The following DAB1 variants were observed in gnomAD, a reference collection of about 807,000 sequenced individuals.
The protein encoded by DAB1 is DAB adaptor protein 1.
Under a neutral mutation model 64.6 loss-of-function variants are expected in DAB1, and 15 were observed. That is an observed-to-expected ratio of 0.23 (90% confidence interval 0.16 to 0.36). The LOEUF (loss-of-function observed/expected upper bound fraction) is 0.36, where lower values mean the gene tolerates loss of function less well. Ranked by LOEUF, DAB1 falls within the 10% of genes least tolerant of loss-of-function variation. The probability of loss-of-function intolerance (pLI) is 1.00; values close to 1 mark genes in which losing one functional copy is unlikely to be tolerated. For synonymous variants in DAB1, 235 were observed against 251.9 expected (o/e 0.93, Z 0.64); for missense variants, 596 against 706.7 (o/e 0.84, Z 1.78).
chr1:58,050,938 C>T (rs1429219813), intron 5 of DAB1, among the ~76,000 whole-genome samples: 2 of 152,122 alleles, frequency 1.3e-5, no homozygotes, highest in African/African-American at 4.8e-5. Context: ...TACTGATGCT[C>T]TACTACATGC....
At chr1:57,337,449 T>C (rs1677168890) in intron 1 of DAB1, among the ~76,000 whole-genome samples, 2 of 152,182 alleles carry the variant, frequency 1.3e-5, no homozygotes, top group Non-Finnish European at 2.9e-5. Context: ...AGAAGACTCC[T>C]GCAGCCTCCT....
At chr1:58,114,597 T>A (rs1485245478) in intron 5 of DAB1, among the ~76,000 whole-genome samples, 4 of 152,238 alleles carry the variant, frequency 2.6e-5, no homozygotes, top group African/African-American at 9.6e-5. Flanking sequence ...TTTATTTAAG[T>A]AGTGTCTATG....
At chr1:57,078,407 G>C (rs897047168) in intron 4 of DAB1, among the ~76,000 whole-genome samples, 11 of 151,952 alleles carry the variant, frequency 7.2e-5, no homozygotes, top group African/African-American at 2.7e-4. Flanking sequence ...TTCTCTTTTT[G>C]TATAATACAA....
chr1:58,428,042 C>G (rs1487084458), intron 3 of DAB1, among the ~76,000 whole-genome samples: 1 of 152,176 alleles, frequency 6.6e-6, no homozygotes, highest in African/African-American at 2.4e-5. Flanking sequence ...GGAAGTAAGA[C>G]AAAATAATTA....
intron 1 of DAB1, among the ~76,000 whole-genome samples, chr1:57,840,694 G>A (rs1217002314): frequency 1.3e-5 from 2 of 152,088 alleles, no homozygotes; most frequent in Non-Finnish European, 2.9e-5. Flanking sequence ...GGGGGCAAGT[G>A]CCACACTTTA....
chr1:58,265,021 A>C (rs1661128904), intron 4 of DAB1, among the ~76,000 whole-genome samples: 1 of 152,262 alleles, frequency 6.6e-6, no homozygotes, highest in Non-Finnish European at 1.5e-5. Flanking sequence ...TTTCAAATGA[A>C]TATCACAATG....
intron 7 of DAB1, among the ~76,000 whole-genome samples, chr1:57,444,220 A>G (rs1264577167): frequency 6.6e-6 from 1 of 152,174 alleles, no homozygotes; most frequent in Admixed American, 6.5e-5. Flanking sequence ...TCACTTATTC[A>G]GAGAGGTCTG....
intron 9 of DAB1, among the ~76,000 whole-genome samples, chr1:57,042,716 T>C (rs1413080044): frequency 1.3e-5 from 2 of 152,178 alleles, no homozygotes; most frequent in Non-Finnish European, 2.9e-5. Flanking sequence ...CTTCTTTATA[T>C]AATACAATAG....
chr1:58,025,609 A>C (rs1250505234), intron 5 of DAB1, among the ~76,000 whole-genome samples: 1 of 141,310 alleles, frequency 7.1e-6, no homozygotes. Context: ...TCTCCTATTA[A>C]ATGTAGATGA....
At chr1:58,012,302 T>C (rs904570916) in intron 5 of DAB1, among the ~76,000 whole-genome samples, 1 of 152,100 alleles carries the variant, frequency 6.6e-6, no homozygotes, top group Non-Finnish European at 1.5e-5. Flanking sequence ...CAGCTTAACA[T>C]AATCTTAAGT....
intron 5 of DAB1, among the ~76,000 whole-genome samples, chr1:58,082,421 A>C (rs1650049887): frequency 7.4e-6 from 1 of 135,680 alleles, no homozygotes; most frequent in South Asian, 2.6e-4. Flanking sequence ...CCAAAACTTA[A>C]ATAAAAAAAA....
intron 9 of DAB1, chr1:57,033,454 T>A (rs1473193612): frequency 6.2e-7 from 1 of 1,612,870 alleles, no homozygotes; most frequent in East Asian, 2.2e-5. Context: ...AAGGCATGAC[T>A]GATGAGCATG....
At chr1:57,517,814 A>C (rs1353963406) in intron 7 of DAB1, among the ~76,000 whole-genome samples, 2 of 152,342 alleles carry the variant, frequency 1.3e-5, no homozygotes, top group East Asian at 3.9e-4. Context: ...CACATTCTCC[A>C]CATTGTTTTC....
At chr1:57,053,982 C>G (rs1003000241) in intron 9 of DAB1, among the ~76,000 whole-genome samples, 1 of 152,076 alleles carries the variant, frequency 6.6e-6, no homozygotes, top group South Asian at 2.1e-4. Flanking sequence ...CCACCGCGCC[C>G]GGCCTAAGAA....
At chr1:57,286,856 A>C (rs1405709867) in intron 2 of DAB1, among the ~76,000 whole-genome samples, 1 of 152,180 alleles carries the variant, frequency 6.6e-6, no homozygotes, top group African/African-American at 2.4e-5. Context: ...AGGGTGTAGA[A>C]AATAATAGCA....
chr1:57,564,860 A>T (rs961216256), intron 7 of DAB1, among the ~76,000 whole-genome samples: 2 of 152,242 alleles, frequency 1.3e-5, no homozygotes, highest in African/African-American at 4.8e-5. Flanking sequence ...ACAGGATATT[A>T]TCTAGGAGAA....
chr1:58,526,494 C>T (rs935586851), intron 2 of DAB1, among the ~76,000 whole-genome samples: 3 of 151,008 alleles, frequency 2.0e-5, no homozygotes, highest in African/African-American at 7.3e-5. Flanking sequence ...TAATAACACT[C>T]AGTTATCACA....
At chr1:57,902,352 T>C (rs1202841) in intron 5 of DAB1, among the ~76,000 whole-genome samples, 27,031 of 152,078 alleles carry the variant, frequency 0.18, 2,773 homozygotes, top group Admixed American at 0.28. Context: ...TATCGTTATC[T>C]TGTTTACCCC....
intron 5 of DAB1, among the ~76,000 whole-genome samples, chr1:57,914,832 A>C (rs1188655378): frequency 6.6e-6 from 1 of 152,232 alleles, no homozygotes; most frequent in Non-Finnish European, 1.5e-5. Flanking sequence ...AGTATGGTCT[A>C]TGAACTGCAT....
Sources: allele counts gnomAD v4.1 joint callset (sites outside exome capture counted in the v4.1 genomes callset), GRCh38; gene constraint gnomAD v4.1.1; transcripts MANE v1.5; gene names NCBI Gene and HGNC (gene_info 2026-07-23, HGNC 2026-07-21).